SYNPR: variants seen among roughly 807,000 people sequenced by gnomAD.
The protein encoded by SYNPR is synaptoporin.
A neutral mutation model predicts 32.9 loss-of-function variants in SYNPR; 23 were observed. The ratio of observed to expected loss-of-function variants is 0.70; its 90% CI spans 0.50 to 0.99. The LOEUF (loss-of-function observed/expected upper bound fraction) is 0.99. SYNPR is among the 50% of genes least tolerant of loss of function. The pLI, the probability that SYNPR is intolerant of heterozygous loss-of-function variation, is 0.00. For missense variants in SYNPR, 318 were observed against 349.3 expected (o/e 0.91, Z 0.71); for synonymous variants, 146 against 135.9 (o/e 1.07, Z -0.52).
chr3:63,435,651 C>T (rs900726378), intron 2 of SYNPR, among the ~76,000 whole-genome samples: 1 of 152,102 alleles, frequency 6.6e-6, no homozygotes, highest in African/African-American at 2.4e-5. Flanking sequence ...TCCTGGCGTT[C>T]GGCTTAAAAA....
intron 2 of SYNPR, among the ~76,000 whole-genome samples, chr3:63,370,197 C>T (rs142020050): frequency 1.3e-5 from 2 of 152,218 alleles, no homozygotes; most frequent in African/African-American, 4.8e-5. Context: ...TGTTAATCCC[C>T]CTTTATCCTC....
intron 2 of SYNPR, among the ~76,000 whole-genome samples, chr3:63,306,686 T>C (rs1300890526): frequency 1.3e-5 from 2 of 152,042 alleles, no homozygotes; most frequent in Non-Finnish European, 2.9e-5. Flanking sequence ...AAGCTCTCTC[T>C]CCCTTATCCT....
At chr3:63,484,053 T>G (rs1486106293) in intron 3 of SYNPR, among the ~76,000 whole-genome samples, 1 of 152,168 alleles carries the variant, frequency 6.6e-6, no homozygotes, top group Non-Finnish European at 1.5e-5. Flanking sequence ...TTTTAGGATG[T>G]AAGATAATGT....
At chr3:63,485,612 C>T (rs1358684647) in intron 3 of SYNPR, among the ~76,000 whole-genome samples, 1 of 151,950 alleles carries the variant, frequency 6.6e-6, no homozygotes, top group Non-Finnish European at 1.5e-5. Context: ...TTGAAGGACC[C>T]TAATTTGCTT....
chr3:63,290,323 T>G (rs2086726953), intron 2 of SYNPR, among the ~76,000 whole-genome samples: 1 of 152,180 alleles, frequency 6.6e-6, no homozygotes, highest in African/African-American at 2.4e-5. Flanking sequence ...CACTCATTAC[T>G]CCTAGGTCTT....
chr3:63,580,806 C>T (rs1433033217), intron 4 of SYNPR, among the ~76,000 whole-genome samples: 1 of 152,136 alleles, frequency 6.6e-6, no homozygotes, highest in East Asian at 1.9e-4. Context: ...CAGTTCTGGC[C>T]TGTGGTAACT....
chr3:63,585,841 A>C (rs1703173560), intron 4 of SYNPR, among the ~76,000 whole-genome samples: 1 of 152,118 alleles, frequency 6.6e-6, no homozygotes, highest in Admixed American at 6.6e-5. Flanking sequence ...AAAGCCTATG[A>C]AGTCAAATAT....
At position 63,405,216 on chromosome 3, in the gene SYNPR, C is replaced by G. The variant is rs935954973; in HGVS notation, c.85-75616C>G. Among the ~76,000 whole-genome samples the G allele has an allele frequency of 2.2e-4, 33 of 152,254 alleles. 3 individuals carry two copies. Among genetic ancestry groups the G allele is most frequent in the Admixed American group, 1.5e-3 (23 of 15,276 alleles). On this transcript the variant is annotated intron_variant, in intron 2 of 5. Transcript: ENST00000478300. ...AGACTCAATTTCTCTCTGTAGCTGT[C>G]TATGGAAAGGGGCTTCAGAATTCAA...
chr3:63,281,702 T>G (rs1352153666), intron 2 of SYNPR, among the ~76,000 whole-genome samples: 1 of 152,118 alleles, frequency 6.6e-6, no homozygotes, highest in Non-Finnish European at 1.5e-5. Flanking sequence ...GACCATCACT[T>G]TGGGAACTAT....
At chr3:63,249,328 C>T (rs1315028967) in intron 1 of SYNPR, among the ~76,000 whole-genome samples, 1 of 152,064 alleles carries the variant, frequency 6.6e-6, no homozygotes, top group Non-Finnish European at 1.5e-5. Context: ...CACTTCTATA[C>T]AAGATTGCGA....
At chr3:63,503,069 C>G (rs868229885) in intron 3 of SYNPR, among the ~76,000 whole-genome samples, 1 of 152,142 alleles carries the variant, frequency 6.6e-6, no homozygotes, top group African/African-American at 2.4e-5. Context: ...TCCAAAGTAG[C>G]TGAGCCATTT....
chr3:63,228,526 G>T (rs1165223344), intron 1 of SYNPR: 3 of 151,948 alleles, frequency 2.0e-5, no homozygotes, highest in Non-Finnish European at 4.4e-5. Context: ...AACTTTTCTG[G>T]GTATTGTATT....
intron 2 of SYNPR, among the ~76,000 whole-genome samples, chr3:63,363,828 G>C (rs1003528587): frequency 6.6e-5 from 10 of 152,142 alleles, no homozygotes; most frequent in Non-Finnish European, 1.2e-4. Flanking sequence ...AGTGCTATAA[G>C]ACTCATATAA....
At chr3:63,459,080 C>G (rs1417594890) in intron 2 of SYNPR, among the ~76,000 whole-genome samples, 3 of 152,008 alleles carry the variant, frequency 2.0e-5, no homozygotes, top group African/African-American at 7.2e-5. Context: ...CACACCCCCT[C>G]CCAATTAATC....
At chr3:63,540,930 A>AACACACACACACACAC (rs58295090) in intron 3 of SYNPR, among the ~76,000 whole-genome samples, 182 of 122,814 alleles carry the variant, frequency 1.5e-3, no homozygotes, top group African/African-American at 4.7e-3. Context: ...TCCCCCCCCC[A>AACACACACACACACAC]ACACACACAC....
At chr3:63,234,846 G>A (rs992227752) in intron 1 of SYNPR, among the ~76,000 whole-genome samples, 4 of 152,140 alleles carry the variant, frequency 2.6e-5, no homozygotes, top group African/African-American at 7.2e-5. Context: ...ACGCAGTGGG[G>A]AAAATGTATT....
chr3:63,509,840 A>C (rs907438932), intron 3 of SYNPR, among the ~76,000 whole-genome samples: 1 of 152,166 alleles, frequency 6.6e-6, no homozygotes, highest in African/African-American at 2.4e-5. Flanking sequence ...GTTAAAATTA[A>C]GCATTTTTAA....
intron 3 of SYNPR, among the ~76,000 whole-genome samples, chr3:63,485,339 C>T (rs1701126228): frequency 6.6e-6 from 1 of 151,600 alleles, no homozygotes; most frequent in South Asian, 2.1e-4. Context: ...CACATGTATC[C>T]CAGAATTTAA....
At chr3:63,350,869 AG>A (rs1436140144) in intron 2 of SYNPR, among the ~76,000 whole-genome samples, 1 of 152,172 alleles carries the variant, frequency 6.6e-6, no homozygotes, top group African/African-American at 2.4e-5. Context: ...CGAGCCCATC[AG>A]TTAGTGACTT....
Sources: gnomAD v4.1 joint callset for allele counts (sites outside exome capture counted in the v4.1 genomes callset) on GRCh38, gnomAD v4.1.1 for gene constraint, MANE v1.5 for transcripts, NCBI Gene and HGNC (gene_info 2026-07-23, HGNC 2026-07-21) for gene names.